The following FAM168A variants were observed in gnomAD, a reference collection of about 807,000 sequenced individuals.
FAM168A encodes the protein protein FAM168A.
A neutral mutation model predicts 28.5 loss-of-function variants in FAM168A; 3 were observed. That is an observed-to-expected ratio of 0.11 (90% CI 0.05 to 0.27). The LOEUF (loss-of-function observed/expected upper bound fraction) is 0.27, where lower values mean the gene tolerates loss of function less well. FAM168A is among the 10% of genes least tolerant of loss of function. FAM168A has a pLI of 1.00. For missense variants in FAM168A, 222 were observed against 311.5 expected, an observed-to-expected ratio of 0.71 and a Z score of 2.16; for synonymous variants, 122 against 124.2, an observed-to-expected ratio of 0.98 and a Z score of 0.12.
chr11:73,548,409 CT>C (rs947248166), intron 1 of FAM168A, among the ~76,000 whole-genome samples: 4 of 152,106 alleles, frequency 2.6e-5, no homozygotes, highest in Non-Finnish European at 5.9e-5. Context: ...TATGACCTTT[CT>C]TTTATAAATG....
intron 2 of FAM168A, among the ~76,000 whole-genome samples, chr11:73,462,035 G>C (rs1867655954): frequency 6.6e-6 from 1 of 152,132 alleles, no homozygotes; most frequent in Non-Finnish European, 1.5e-5. Context: ...AAATGCTGCA[G>C]CCACTAGGAA....
chr11:73,520,833 A>G (rs2134650352), intron 1 of FAM168A, among the ~76,000 whole-genome samples: 1 of 152,184 alleles, frequency 6.6e-6, no homozygotes, highest in South Asian at 2.1e-4. Flanking sequence ...AAAAAAAAAA[A>G]GATGTGGTTA....
chr11:73,546,834 T>C (rs573925863), intron 1 of FAM168A, among the ~76,000 whole-genome samples: 1 of 152,146 alleles, frequency 6.6e-6, no homozygotes, highest in African/African-American at 2.4e-5. Flanking sequence ...AAATTACATA[T>C]GTGTTAAAAT....
chr11:73,499,182 T>C (rs968564877), intron 1 of FAM168A, among the ~76,000 whole-genome samples: 1 of 152,112 alleles, frequency 6.6e-6, no homozygotes, highest in Non-Finnish European at 1.5e-5. Context: ...TCCAGCCTCC[T>C]TCAGTGACAT....
chr11:73,562,202 A>C (rs1943967606), intron 1 of FAM168A, among the ~76,000 whole-genome samples: 1 of 152,236 alleles, frequency 6.6e-6, no homozygotes. Flanking sequence ...TGGCCTCCCA[A>C]AGTGCTGGAA....
chr11:73,582,198 G>C (rs1484990845), intron 1 of FAM168A, among the ~76,000 whole-genome samples: 1 of 152,058 alleles, frequency 6.6e-6, no homozygotes, highest in East Asian at 1.9e-4. Flanking sequence ...ACTCTAATCA[G>C]CAAAATATTT....
chr11:73,580,306 A>G (rs1944228150), intron 1 of FAM168A: 1 of 570,390 alleles, frequency 1.8e-6, no homozygotes, highest in Non-Finnish European at 3.5e-6. Context: ...AAGGTGAAGG[A>G]TGAACCACAG....
rs188405207 is a variant in FAM168A at position 73,539,356 on chromosome 11, G to A, written c.-19+58567C>T. Among the ~76,000 whole-genome samples, 334 of 152,096 alleles carry A rather than the reference G, an allele frequency of 2.2e-3. 1 individual carries two copies. Among genetic ancestry groups the A allele is most frequent in the African/African-American group, 7.6e-3 (316 of 41,468 alleles). On this transcript the variant is annotated intron_variant, in intron 1 of 7. Transcript: ENST00000356467. Reference sequence around the variant, plus strand: ...ACGATCTTGGCTCACTGCAACCTCCGCCTCCCAGGTTCAAGCAATTCTCCT... The same window carrying A: ...ACGATCTTGGCTCACTGCAACCTCCACCTCCCAGGTTCAAGCAATTCTCCT...
intron 2 of FAM168A, among the ~76,000 whole-genome samples, chr11:73,438,635 T>A (rs1296457443): frequency 6.6e-6 from 1 of 152,058 alleles, no homozygotes; most frequent in African/African-American, 2.4e-5. Context: ...CAGGAAAACA[T>A]TGGAGGGTTT....
At chr11:73,460,641 C>T (rs983519985) in intron 2 of FAM168A, among the ~76,000 whole-genome samples, 2 of 151,642 alleles carry the variant, frequency 1.3e-5, no homozygotes, top group Non-Finnish European at 1.5e-5. Flanking sequence ...GTAGCTAGGA[C>T]TACAGGAATG....
intron 1 of FAM168A, among the ~76,000 whole-genome samples, chr11:73,473,543 C>T (rs1392106828): frequency 1.3e-5 from 2 of 152,204 alleles, no homozygotes; most frequent in Non-Finnish European, 2.9e-5. Context: ...CTGGTTGCAA[C>T]TTCTACCACT....
chr11:73,595,046 G>A (rs1288666931), intron 1 of FAM168A, among the ~76,000 whole-genome samples: 2 of 151,984 alleles, frequency 1.3e-5, no homozygotes, highest in Admixed American at 6.6e-5. Context: ...AGGTAACCAC[G>A]GCTGTGGAAA....
chr11:73,535,816 C>T (rs1265271153), intron 1 of FAM168A, among the ~76,000 whole-genome samples: 3 of 150,902 alleles, frequency 2.0e-5, no homozygotes, highest in African/African-American at 7.3e-5. Context: ...CCACCTTGGC[C>T]TCCCAAGGCA....
chr11:73,448,547 AAAT>A (rs1241644788), intron 2 of FAM168A, among the ~76,000 whole-genome samples: 7 of 152,138 alleles, frequency 4.6e-5, no homozygotes, highest in Admixed American at 3.9e-4. Context: ...TGCCCTTACC[AAAT>A]GCTTTCACTA....
intron 4 of FAM168A, among the ~76,000 whole-genome samples, chr11:73,412,835 T>C (rs1168473909): frequency 1.3e-5 from 2 of 152,160 alleles, no homozygotes; most frequent in African/African-American, 4.8e-5. Flanking sequence ...TATAAGATGC[T>C]CACCAAGGAC....
intron 4 of FAM168A, among the ~76,000 whole-genome samples, chr11:73,416,637 A>G (rs1219166823): frequency 3.9e-5 from 6 of 152,116 alleles, no homozygotes; most frequent in Admixed American, 3.9e-4. Flanking sequence ...GGGCCAGTCA[A>G]CCCCAACTGC....
intron 6 of FAM168A, among the ~76,000 whole-genome samples, chr11:73,408,524 T>C (rs1359253664): frequency 1.3e-5 from 2 of 152,156 alleles, no homozygotes; most frequent in African/African-American, 4.8e-5. Context: ...TTATATCTGT[T>C]ACCCCAGTAT....
At chr11:73,439,303 A>G (rs975119455) in intron 2 of FAM168A, among the ~76,000 whole-genome samples, 3 of 152,198 alleles carry the variant, frequency 2.0e-5, no homozygotes, top group African/African-American at 7.2e-5. Context: ...CTGAGGTAAC[A>G]AGACAGGAGG....
At chr11:73,417,719 C>T (rs1210039879) in intron 4 of FAM168A, among the ~76,000 whole-genome samples, 1 of 152,068 alleles carries the variant, frequency 6.6e-6, no homozygotes, top group Admixed American at 6.6e-5. Context: ...GCCACCATGC[C>T]TGGCTAATTT....
Sources: gnomAD v4.1 joint callset for allele counts (sites outside exome capture counted in the v4.1 genomes callset) on GRCh38, gnomAD v4.1.1 for gene constraint, MANE v1.5 for transcripts, NCBI Gene and HGNC (gene_info 2026-07-23, HGNC 2026-07-21) for gene names.